Variants in GUCY2F observed in about 807,000 individuals in gnomAD.
The protein encoded by GUCY2F is guanylate cyclase 2F, retinal, also known as retinal guanylyl cyclase 2.
Under a neutral mutation model 73.1 loss-of-function variants are expected in GUCY2F, and 61 were observed. The ratio of observed to expected loss-of-function variants is 0.83; its 90% CI spans 0.68 to 1.03. The LOEUF is 1.03. Ranked by LOEUF, GUCY2F falls within the 50% of genes least tolerant of loss-of-function variation. GUCY2F has a pLI of 0.00. For missense variants in GUCY2F, 912 were observed against 854.3 expected (o/e 1.07, Z -0.84); for synonymous variants, 331 against 307.8 (o/e 1.08, Z -0.79).
intron 9 of GUCY2F, among the ~76,000 whole-genome samples, chrX:109,405,421 G>A (rs1930949767): frequency 8.9e-6 from 1 of 112,144 alleles, no homozygotes; most frequent in African/African-American, 3.2e-5. Flanking sequence ...GCTGTCTAGT[G>A]CCGATCTCTG....
chrX:109,480,703 G>A (rs1479311828), intron 1 of GUCY2F, among the ~76,000 whole-genome samples: 1 of 110,334 alleles, frequency 9.1e-6, no homozygotes, highest in African/African-American at 3.3e-5. Flanking sequence ...TTTTCCCTTT[G>A]TTAACTGCAA....
intron 3 of GUCY2F, among the ~76,000 whole-genome samples, chrX:109,459,770 C>T (rs1932327604): frequency 8.9e-6 from 1 of 111,761 alleles, no homozygotes; most frequent in African/African-American, 3.3e-5. Flanking sequence ...AACTGTTTAG[C>T]CAATTGCCCT....
Position 109,398,693 on chromosome X carries a change from G to A in GUCY2F, c.2131C>T (p.Leu711=). The A allele has an allele frequency of 8.3e-7, 1 of 1,208,146 alleles. No homozygotes were observed. The highest frequency in any genetic ancestry group is 1.1e-6 in the Non-Finnish European group (1 of 893,168). ...SEEESSMEEL[L]WTAPELLRAP... is the part of the protein sequence containing the mutation. ...CTCAACAGTTCAGGGGCCGTCCACA[G>A]CAGCTCTAAAAAGAAAGCATTGTGT... The change falls in exon 11 of 20, where the codon CTG becomes TTG. Residue 711 remains leucine, a synonymous_variant. Transcript: ENST00000218006.
intron 7 of GUCY2F, among the ~76,000 whole-genome samples, chrX:109,436,970 AAAT>A (rs1198185158): frequency 9.1e-6 from 1 of 109,836 alleles, no homozygotes; most frequent in Non-Finnish European, 1.9e-5. Context: ...AAAAAAAAGA[AAAT>A]AAACAATAAT....
At chrX:109,405,534 T>A in intron 9 of GUCY2F, among the ~76,000 whole-genome samples, 1 of 112,120 alleles carries the variant, frequency 8.9e-6, no homozygotes, top group South Asian at 3.7e-4. Context: ...TCTAGTACAG[T>A]CATTTCAGAA....
chrX:109,446,328 G>T (rs1932007549), intron 6 of GUCY2F, among the ~76,000 whole-genome samples: 1 of 111,781 alleles, frequency 8.9e-6, no homozygotes, highest in Non-Finnish European at 1.9e-5. Context: ...AGAATGCTAA[G>T]CCCAAAGAAC....
rs147731698 is a variant in GUCY2F, at chrX:109,475,269, C to T, written c.668G>A (p.Gly223Glu). ...GLPVGVVLTTGQDSQSMRKAL... is the reference protein window; with the variant it reads ...GLPVGVVLTTEQDSQSMRKAL... ...TTTCCGCATGCTTTGGCTGTCTTGT[C>T]CTGTGGTCAGGACGACCCCTACAGG... Residue 223 changes from glycine (G) to glutamate (E), a missense_variant, in exon 2 of 20, where the codon GGA (glycine) becomes GAA (glutamate). Physicochemically the swap from Gly to Glu is moderately conservative, Grantham distance 98. Transcript: ENST00000218006. 212 of 1,209,024 alleles carry T rather than the reference C, an allele frequency of 1.8e-4. No individual in the cohort carries two copies. The African/African-American group carries it at 2.8e-3, about 16-fold the overall frequency.
At chrX:109,441,196 A>C (rs1931858711) in intron 7 of GUCY2F, among the ~76,000 whole-genome samples, 155 bp downstream of exon 7, 1 of 112,269 alleles carries the variant, frequency 8.9e-6, no homozygotes, top group South Asian at 3.7e-4. Context: ...ATTGCTAAGA[A>C]TGTCAACCAA....
intron 2 of GUCY2F, among the ~76,000 whole-genome samples, chrX:109,474,760 T>G (rs1274325559): frequency 8.9e-6 from 1 of 111,850 alleles, no homozygotes; most frequent in African/African-American, 3.3e-5. Context: ...ACAAGGACAC[T>G]GGGTACCGTT....
rs746608868 is a variant in GUCY2F, at chrX:109,376,125, C to A, written c.3193G>T (p.Gly1065Cys). The A allele has an allele frequency of 2.5e-6, 3 of 1,204,657 alleles. No individual in the cohort carries two copies. The highest frequency in any genetic ancestry group is 3.4e-6 in the Non-Finnish European group (3 of 890,148). The change falls in exon 18 of 20, where the codon GGC becomes TGC. Residue 1065 changes from glycine to cysteine, a missense_variant. Gly to Cys is a radical substitution (Grantham distance 159, BLOSUM62 -3). Transcript: ENST00000218006. The part of the protein sequence containing the change: ...EETFWLIGKK[G>C]FMKPLPVPPP... ...GGCACAGGAAGGGGCTTCATGAAGC[C>A]TTTTTTCCCAATCAGCCAGAAGGTT...
At chrX:109,457,270 G>C (rs1345453473) in intron 3 of GUCY2F, among the ~76,000 whole-genome samples, 1 of 111,871 alleles carries the variant, frequency 8.9e-6, no homozygotes, top group Non-Finnish European at 1.9e-5. Context: ...ATAATGGTTC[G>C]TGCTGTTTTT....
At chrX:109,393,997 T>C (rs1244408401) in intron 12 of GUCY2F, among the ~76,000 whole-genome samples, 1 of 112,317 alleles carries the variant, frequency 8.9e-6, no homozygotes, top group African/African-American at 3.2e-5. Flanking sequence ...GGTTCACATC[T>C]GCAGGTCCAT....
chrX:109,458,457 TAAAC>T (rs1932302295), intron 3 of GUCY2F, among the ~76,000 whole-genome samples: 1 of 111,354 alleles, frequency 9.0e-6, no homozygotes, highest in South Asian at 3.8e-4. Flanking sequence ...TGGTACAGAG[TAAAC>T]ACTGAATATA....
intron 3 of GUCY2F, among the ~76,000 whole-genome samples, chrX:109,460,080 A>G (rs928378208): frequency 8.9e-6 from 1 of 111,866 alleles, no homozygotes; most frequent in Non-Finnish European, 1.9e-5. Context: ...TCTCCCAGAA[A>G]GGAAAACTAA....
chrX:109,442,874 T>C (rs1931906976), intron 6 of GUCY2F, among the ~76,000 whole-genome samples: 1 of 111,853 alleles, frequency 8.9e-6, no homozygotes, highest in African/African-American at 3.2e-5. Context: ...CCTAGATCTG[T>C]ATATTGAGAT....
intron 16 of GUCY2F, among the ~76,000 whole-genome samples, chrX:109,382,670 T>C (rs766498120): frequency 4.0e-4 from 45 of 112,365 alleles, no homozygotes; most frequent in Non-Finnish European, 7.5e-4. Context: ...TCAACATTGC[T>C]ACACTTAAAA....
chrX:109,408,621 T>C (rs138789284), intron 9 of GUCY2F, among the ~76,000 whole-genome samples: 1,953 of 112,063 alleles, frequency 0.017, 46 homozygotes, highest in African/African-American at 0.06. Context: ...GGGGAGGTAA[T>C]TGAATCGTGA....
In GUCY2F at chrX:109,376,065, T is replaced by C. The variant is rs764403408; in HGVS notation, c.3239+14A>G. On this transcript the variant is annotated intron_variant, in intron 18 of 19. Coordinates refer to ENST00000218006, the MANE Select transcript of GUCY2F (RefSeq NM_001522.3). ...GGCATAGGAAGACTCCAATTAAATG[T>C]GAACTCCACTTACCCATCTTTGTCC... 1 of 1,174,355 alleles carries C rather than the reference T, an allele frequency of 8.5e-7. No homozygotes were observed. The highest frequency in any genetic ancestry group is 1.8e-5 in the South Asian group (1 of 56,061).
chrX:109,441,822 TAA>T (rs1931878650), intron 6 of GUCY2F, among the ~76,000 whole-genome samples: 1 of 110,749 alleles, frequency 9.0e-6, no homozygotes, highest in Admixed American at 9.6e-5. Flanking sequence ...AAAGATGAAA[TAA>T]GTTTCCTAAT....
Sources: allele counts gnomAD v4.1 joint callset (sites outside exome capture counted in the v4.1 genomes callset), GRCh38; gene constraint gnomAD v4.1.1; transcripts MANE v1.5; gene names NCBI Gene and HGNC (gene_info 2026-07-23, HGNC 2026-07-21).